Variants in PRKCB observed in about 807,000 individuals in gnomAD.
The protein encoded by PRKCB is protein kinase C beta type.
Under a neutral mutation model 81.5 loss-of-function variants are expected in PRKCB, and 13 were observed. The observed-to-expected ratio is 0.16, with a 90% CI of 0.10 to 0.25. The LOEUF (loss-of-function observed/expected upper bound fraction) is 0.25, where lower values mean the gene tolerates loss of function less well. Ranked by LOEUF, PRKCB falls within the 10% of genes least tolerant of loss-of-function variation. PRKCB has a pLI of 1.00. For missense variants in PRKCB, 509 were observed against 875.7 expected (o/e 0.58, Z 5.29); for synonymous variants, 335 against 321.4 (o/e 1.04, Z -0.45).
intron 2 of PRKCB, among the ~76,000 whole-genome samples, chr16:23,980,189 C>T (rs1964676357): frequency 6.6e-6 from 1 of 152,342 alleles, no homozygotes; most frequent in South Asian, 2.1e-4. Context: ...TAGCATGACC[C>T]TGTGAGTCAC....
chr16:23,888,494 A>G (rs1447597202), intron 2 of PRKCB, among the ~76,000 whole-genome samples: 1 of 152,234 alleles, frequency 6.6e-6, no homozygotes, highest in East Asian at 1.9e-4. Flanking sequence ...CTCTTCACCC[A>G]GGAAGCTGAA....
chr16:24,088,252 A>T (rs1054609941), intron 5 of PRKCB, among the ~76,000 whole-genome samples: 1 of 152,130 alleles, frequency 6.6e-6, no homozygotes, highest in Non-Finnish European at 1.5e-5. Flanking sequence ...GCTCTTGGAG[A>T]TGTGAATGCC....
chr16:23,915,166 G>A (rs1448501324), intron 2 of PRKCB, among the ~76,000 whole-genome samples: 1 of 152,146 alleles, frequency 6.6e-6, no homozygotes, highest in Non-Finnish European at 1.5e-5. Context: ...CAGTTTTAAT[G>A]AATACACATT....
chr16:23,882,021 TCTTC>T (rs1159121217), intron 2 of PRKCB, among the ~76,000 whole-genome samples: 2,035 of 55,476 alleles, frequency 0.037, 136 homozygotes, highest in Middle Eastern at 0.055. Context: ...TTTCTTTCTT[TCTTC>T]CTTCCTTCCT....
chr16:24,057,351 TAGGG>T (rs1965916429), intron 5 of PRKCB, among the ~76,000 whole-genome samples: 1 of 152,178 alleles, frequency 6.6e-6, no homozygotes, highest in African/African-American at 2.4e-5. Context: ...GTCCCATCGC[TAGGG>T]AGCGATGGGA....
chr16:23,959,137 T>C (rs536580966), intron 2 of PRKCB, among the ~76,000 whole-genome samples: 1 of 152,280 alleles, frequency 6.6e-6, no homozygotes, highest in South Asian at 2.1e-4. Flanking sequence ...TTAAAATAAT[T>C]ACAAAATAAA....
At chr16:24,195,923 C>A (rs1443056829) in intron 16 of PRKCB, among the ~76,000 whole-genome samples, 1 of 152,206 alleles carries the variant, frequency 6.6e-6, no homozygotes, top group Non-Finnish European at 1.5e-5. Flanking sequence ...TTCATCTGTG[C>A]AGAGCCATGC....
At chr16:24,100,055 C>G (rs879550478) in intron 7 of PRKCB, 1 of 151,772 alleles carries the variant, frequency 6.6e-6, no homozygotes, top group African/African-American at 2.4e-5. Flanking sequence ...TCACCTTTGC[C>G]TGGCCTGGCG....
At chr16:24,036,089 T>A (rs1965614423) in intron 5 of PRKCB, among the ~76,000 whole-genome samples, 1 of 152,186 alleles carries the variant, frequency 6.6e-6, no homozygotes, top group Non-Finnish European at 1.5e-5. Flanking sequence ...TTCTTGAACC[T>A]GATGGTGGCT....
chr16:23,847,364 C>G (rs1962389536), intron 2 of PRKCB, among the ~76,000 whole-genome samples: 1 of 8,896 alleles, frequency 1.1e-4, no homozygotes. Context: ...ATCTATCTAT[C>G]TATCTATCTA....
intron 3 of PRKCB, among the ~76,000 whole-genome samples, chr16:24,000,989 GTT>G (rs59302470): frequency 0.54 from 80,607 of 148,844 alleles, 21,885 homozygotes; most frequent in South Asian, 0.76. Flanking sequence ...AAATAAAGCG[GTT>G]TTTTTTTTTT....
intron 2 of PRKCB, among the ~76,000 whole-genome samples, chr16:23,877,195 AGTAGCCAGGCACAGTGCCT>A (rs1237513896): frequency 6.6e-6 from 1 of 152,006 alleles, no homozygotes; most frequent in Non-Finnish European, 1.5e-5. Flanking sequence ...AAAAAAAAAC[AGTAGCCAGGCACAGTGCCT>A]GTAGTCCCAG....
chr16:23,976,492 C>T (rs1964628050), intron 2 of PRKCB, among the ~76,000 whole-genome samples: 1 of 152,194 alleles, frequency 6.6e-6, no homozygotes, highest in Non-Finnish European at 1.5e-5. Flanking sequence ...GGTCCCATGT[C>T]CACCCTTAGA....
intron 2 of PRKCB, among the ~76,000 whole-genome samples, chr16:23,880,473 C>G (rs988816389): frequency 3.3e-5 from 5 of 151,986 alleles, no homozygotes; most frequent in Non-Finnish European, 5.9e-5. Context: ...TGTGTATTTT[C>G]TCTGCCCTGG....
intron 2 of PRKCB, among the ~76,000 whole-genome samples, chr16:23,857,389 G>A (rs1350422483): frequency 6.6e-6 from 1 of 152,198 alleles, no homozygotes; most frequent in African/African-American, 2.4e-5. Flanking sequence ...TTTAGGGGCT[G>A]CAGAGAGCCG....
intron 9 of PRKCB, 59 bp from the exon 10 acceptor site, chr16:24,154,625 C>T (rs1275677125): frequency 1.3e-6 from 2 of 1,554,324 alleles, no homozygotes; most frequent in Non-Finnish European, 1.8e-6. Flanking sequence ...ACACCAGCTG[C>T]TCATAACTGG....
intron 2 of PRKCB, among the ~76,000 whole-genome samples, chr16:23,870,001 G>A (rs902573235): frequency 2.7e-5 from 4 of 147,162 alleles, no homozygotes; most frequent in East Asian, 2.0e-4. Flanking sequence ...TAGCCTGGGC[G>A]ACAGAGTGAG....
At chr16:24,149,072 C>T (rs979800298) in intron 9 of PRKCB, among the ~76,000 whole-genome samples, 7 of 152,090 alleles carry the variant, frequency 4.6e-5, no homozygotes, top group Admixed American at 2.6e-4. Flanking sequence ...CCTGGGGCTG[C>T]CTGGTCATCA....
chr16:23,981,231 G>C (rs1190475445), intron 2 of PRKCB, among the ~76,000 whole-genome samples: 1 of 151,932 alleles, frequency 6.6e-6, no homozygotes, highest in Non-Finnish European at 1.5e-5. Flanking sequence ...CTTTTCTAGA[G>C]GCCACCCACA....
Sources: gnomAD v4.1 joint callset for allele counts (sites outside exome capture counted in the v4.1 genomes callset) on GRCh38, gnomAD v4.1.1 for gene constraint, MANE v1.5 for transcripts, NCBI Gene and HGNC (gene_info 2026-07-23, HGNC 2026-07-21) for gene names.